RBM19: variants seen among roughly 807,000 people sequenced by gnomAD.
RBM19 encodes RNA binding motif protein 19.
A neutral mutation model predicts 116.8 loss-of-function variants in RBM19; 94 were observed. That is an observed-to-expected ratio of 0.80 (90% CI 0.68 to 0.95). The LOEUF is 0.95. Among genes scored for constraint, RBM19 ranks in the 40% least tolerant of loss-of-function variants. The pLI is 0.00. For missense variants in RBM19, 1,161 were observed against 1,220.7 expected (o/e 0.95, Z 0.73); for synonymous variants, 475 against 494.1 (o/e 0.96, Z 0.51).
At chr12:113,949,431 A>AT (rs1302224611) in intron 9 of RBM19, among the ~76,000 whole-genome samples, 1 of 152,132 alleles carries the variant, frequency 6.6e-6, no homozygotes, top group East Asian at 1.9e-4. Context: ...CCTGTGCCTG[A>AT]TTAGGGTGCT....
chr12:113,873,689 T>TAAAAA (rs146761765), intron 21 of RBM19, among the ~76,000 whole-genome samples: 2 of 127,688 alleles, frequency 1.6e-5, no homozygotes, highest in African/African-American at 3.0e-5. Context: ...AAAAATAAAT[T>TAAAAA]AAAAAAAAAA....
At chr12:113,866,543 C>A (rs927904721) in intron 21 of RBM19, among the ~76,000 whole-genome samples, 9 of 152,220 alleles carry the variant, frequency 5.9e-5, no homozygotes, top group Non-Finnish European at 1.3e-4. Context: ...GGCTCCTGGC[C>A]TGGCTCTGCC....
intron 16 of RBM19, among the ~76,000 whole-genome samples, chr12:113,935,399 G>A (rs1311075460): frequency 2.0e-5 from 3 of 152,190 alleles, no homozygotes; most frequent in Non-Finnish European, 4.4e-5. Context: ...GAACAAGCCA[G>A]GATGACATGA....
intron 1 of RBM19, among the ~76,000 whole-genome samples, chr12:113,962,837 C>A (rs948044130): frequency 1.3e-5 from 2 of 152,148 alleles, no homozygotes; most frequent in South Asian, 2.1e-4. Context: ...ACATCCTAAT[C>A]CCTGGAAACT....
chr12:113,949,116 C>T (rs1440545411), intron 9 of RBM19, 80 bp from the exon 10 acceptor site: 7 of 1,280,006 alleles, frequency 5.5e-6, no homozygotes, highest in Non-Finnish European at 7.7e-6. Flanking sequence ...CCAAACTCTT[C>T]TCTGCTGCCT....
chr12:113,941,094 T>C (rs1282651383), intron 14 of RBM19, among the ~76,000 whole-genome samples: 3 of 152,234 alleles, frequency 2.0e-5, no homozygotes, highest in Non-Finnish European at 4.4e-5. Context: ...CAGCCGCTAA[T>C]GTAACCTGAG....
intron 23 of RBM19, among the ~76,000 whole-genome samples, chr12:113,823,536 T>C (rs1271635083): frequency 6.7e-6 from 1 of 149,916 alleles, no homozygotes; most frequent in Non-Finnish European, 1.5e-5. Context: ...GATGGGGCAA[T>C]GAAGAAAGAT....
At chr12:113,963,593 T>A (rs1872661890) in intron 1 of RBM19, among the ~76,000 whole-genome samples, 1 of 152,208 alleles carries the variant, frequency 6.6e-6, no homozygotes, top group South Asian at 2.1e-4. Context: ...TCATAAGGGA[T>A]AAATGATCTG....
chr12:113,954,157 A>G (rs1871707999), intron 7 of RBM19, among the ~76,000 whole-genome samples: 1 of 152,190 alleles, frequency 6.6e-6, no homozygotes, highest in African/African-American at 2.4e-5. Flanking sequence ...AGGAGGAAAA[A>G]GGGGTTTCCA....
intron 4 of RBM19, 98 bp from the exon 5 acceptor site, chr12:113,959,502 A>G: frequency 1.5e-6 from 2 of 1,313,030 alleles, no homozygotes; most frequent in Non-Finnish European, 2.1e-6. Context: ...AACTCTTAAG[A>G]GGGTGAGAAG....
intron 21 of RBM19, among the ~76,000 whole-genome samples, chr12:113,872,556 T>C (rs1243093219): frequency 1.1e-5 from 1 of 89,506 alleles, no homozygotes; most frequent in Non-Finnish European, 2.4e-5. Context: ...AGCCGCCCCG[T>C]CCGGGAGGGA....
chr12:113,915,226 G>C (rs1882702473), intron 20 of RBM19, 141 bp from the exon 21 acceptor site: 1 of 717,222 alleles, frequency 1.4e-6, no homozygotes, highest in East Asian at 2.6e-5. Flanking sequence ...AACGTGAAAG[G>C]AGAGGAAGGC....
rs145004497 is a variant in RBM19 at position 113,948,933 on chromosome 12, G to T, written c.1176C>A (p.Asn392Lys). ...KSWQGRILGE[N>K]EEEEDLAESG... is the part of the protein sequence containing the mutation. ...ATTCGGCCAGGTCCTCCTCCTCTTC[G>T]TTCTCCCCGAGTATCCGGCCTTGCC... is the stretch of plus-strand genomic sequence containing the variant. The change falls in exon 10 of 24, where the codon AAC (asparagine) becomes AAA (lysine). Residue 392 changes from asparagine (N) to lysine (K), a missense_variant. Physicochemically the swap from Asn to Lys is moderately conservative, Grantham distance 94. Coordinates refer to ENST00000261741, the MANE Select transcript of RBM19 (RefSeq NM_016196.4). 13 of 1,614,060 alleles carry T rather than the reference G, an allele frequency of 8.1e-6. No individual in the cohort carries two copies. The East Asian group carries it at 2.7e-4, about 33-fold the overall frequency.
chr12:113,893,543 C>A (rs908449699), intron 21 of RBM19, among the ~76,000 whole-genome samples: 1 of 152,162 alleles, frequency 6.6e-6, no homozygotes, highest in Non-Finnish European at 1.5e-5. Flanking sequence ...TCATTTAGCC[C>A]GCCCTGTCTC....
chr12:113,915,954 CA>C (rs1250676371), intron 20 of RBM19, among the ~76,000 whole-genome samples: 2 of 152,220 alleles, frequency 1.3e-5, no homozygotes, highest in Non-Finnish European at 2.9e-5. Flanking sequence ...CCCCCTCACC[CA>C]CAGCCCCCAG....
chr12:113,944,093 G>GTTTTTTTTTTTTT (rs71433305), intron 13 of RBM19, among the ~76,000 whole-genome samples: 859 of 67,598 alleles, frequency 0.013, 81 homozygotes, highest in African/African-American at 0.03. Flanking sequence ...CCAGATGCAT[G>GTTTTTTTTTTTTT]TTTTTTTTTT....
At chr12:113,961,303 G>A (rs1872478557) in intron 2 of RBM19, among the ~76,000 whole-genome samples, 1 of 152,098 alleles carries the variant, frequency 6.6e-6, no homozygotes, top group African/African-American at 2.4e-5. Context: ...TTGTATTATA[G>A]GCAGGAGCCA....
rs547399665 is a variant in RBM19 at position 113,825,534 on chromosome 12, C to A, written c.2786-2213G>T. On this transcript the variant is annotated intron_variant, in intron 23 of 23. Coordinates refer to ENST00000261741, the MANE Select transcript of RBM19 (RefSeq NM_016196.4). The surrounding 1 kb of genome is among the most constrained non-coding windows in gnomAD (Gnocchi z 5.7). ...ACAAAACAGGGCCCACAGGCGATCA[C>A]TGACGCCCCTCCCATCTGCTAATAT... is the stretch of plus-strand genomic sequence containing the variant. Among the ~76,000 whole-genome samples the A allele has an allele frequency of 6.6e-6, 1 of 152,212 alleles. No homozygotes were observed. Among genetic ancestry groups the A allele is most frequent in the African/African-American group, 2.4e-5 (1 of 41,444 alleles).
At chr12:113,913,433 G>C (rs1453230704) in intron 21 of RBM19, among the ~76,000 whole-genome samples, 1 of 152,182 alleles carries the variant, frequency 6.6e-6, no homozygotes, top group Admixed American at 6.5e-5. Flanking sequence ...AGGATACCCG[G>C]AGATCATAGC....
Sources: gnomAD v4.1 joint callset for allele counts (sites outside exome capture counted in the v4.1 genomes callset) on GRCh38, gnomAD v4.1.1 for gene constraint, Gnocchi (gnomAD v3.1) non-coding constraint, MANE v1.5 for transcripts, NCBI Gene and HGNC (gene_info 2026-07-23, HGNC 2026-07-21) for gene names.